CDC42SE2: variants seen among roughly 807,000 people sequenced by gnomAD.
The protein encoded by CDC42SE2 is CDC42 small effector 2.
A neutral mutation model predicts 11.5 loss-of-function variants in CDC42SE2; 3 were observed. That is an observed-to-expected ratio of 0.26 (90% confidence interval 0.12 to 0.67). The LOEUF (loss-of-function observed/expected upper bound fraction) is 0.67. Among genes scored for constraint, CDC42SE2 ranks in the 30% least tolerant of loss-of-function variants. The pLI, the probability that CDC42SE2 is intolerant of heterozygous loss-of-function variation, is 0.80. For synonymous variants in CDC42SE2, 33 were observed against 34.8 expected, an observed-to-expected ratio of 0.95 and a Z score of 0.18; for missense variants, 82 against 106.8, an observed-to-expected ratio of 0.77 and a Z score of 1.02.
chr5:131,217,632 T>A, the CDC42SE2 span, among the ~76,000 whole-genome samples: 1 of 152,068 alleles, frequency 6.6e-6, no homozygotes, highest in Non-Finnish European at 1.5e-5. Flanking sequence ...AAGGAAAACA[T>A]GGGAAAATAT....
chr5:131,280,314 A>G (rs1354688760), intron 1 of CDC42SE2, among the ~76,000 whole-genome samples: 6 of 152,226 alleles, frequency 3.9e-5, no homozygotes, highest in African/African-American at 1.4e-4. Context: ...AAAATATAAT[A>G]ACTAGTCAGT....
At chr5:131,239,932 T>C in the CDC42SE2 span, among the ~76,000 whole-genome samples, 1 of 152,234 alleles carries the variant, frequency 6.6e-6, no homozygotes, top group African/African-American at 2.4e-5. Flanking sequence ...ATTGCTTTCT[T>C]AAGGAAGTAT....
intron 1 of CDC42SE2, among the ~76,000 whole-genome samples, chr5:131,276,045 G>A (rs1018334326): frequency 4.6e-5 from 7 of 151,858 alleles, no homozygotes; most frequent in Non-Finnish European, 8.8e-5. Flanking sequence ...GGAAATGAAA[G>A]TGCAAAAGAA....
chr5:131,360,473 C>T (rs1749676048), intron 3 of CDC42SE2, among the ~76,000 whole-genome samples: 1 of 152,040 alleles, frequency 6.6e-6, no homozygotes, highest in African/African-American at 2.4e-5. Context: ...TAAAAATTGC[C>T]CCAGCTTTCC....
chr5:131,252,550 G>A (rs983359847), intron 1 of CDC42SE2, among the ~76,000 whole-genome samples: 6 of 152,168 alleles, frequency 3.9e-5, no homozygotes, highest in Admixed American at 6.5e-5. Context: ...CCAGCTACTC[G>A]GGAGGCTGAG....
chr5:131,226,280 A>G, the CDC42SE2 span, among the ~76,000 whole-genome samples: 1 of 152,214 alleles, frequency 6.6e-6, no homozygotes, highest in African/African-American at 2.4e-5. Context: ...ATTTAGTATC[A>G]TTTGTATGTA....
At chr5:131,213,585 A>G in the CDC42SE2 span, among the ~76,000 whole-genome samples, 1 of 152,062 alleles carries the variant, frequency 6.6e-6, no homozygotes, top group African/African-American at 2.4e-5. Flanking sequence ...AGTAGCTGGG[A>G]CTACAGGTGC....
At chr5:131,361,816 C>T (rs1261707445) in intron 3 of CDC42SE2, among the ~76,000 whole-genome samples, 3 of 152,136 alleles carry the variant, frequency 2.0e-5, no homozygotes, top group Non-Finnish European at 2.9e-5. Flanking sequence ...GGCCAAACTC[C>T]GCCTCATCCA....
intron 3 of CDC42SE2, among the ~76,000 whole-genome samples, chr5:131,362,503 C>T (rs993237019): frequency 6.6e-6 from 1 of 152,196 alleles, no homozygotes; most frequent in East Asian, 1.9e-4. Flanking sequence ...GCTTGATCAT[C>T]TGCTAAAGTT....
At chr5:131,260,670 ACACCTGTAATCTCAGTACTT>A (rs1756716906), upstream of CDC42SE2, among the ~76,000 whole-genome samples, 1 of 148,376 alleles carries the variant, frequency 6.7e-6, no homozygotes, top group Non-Finnish European at 1.5e-5. Flanking sequence ...GCAGTGGCTC[ACACCTGTAATCTCAGTACTT>A]TGGGAGGCCG....
chr5:131,323,847 C>T (rs1758245297), intron 2 of CDC42SE2, among the ~76,000 whole-genome samples: 1 of 152,154 alleles, frequency 6.6e-6, no homozygotes, highest in Admixed American at 6.5e-5. Context: ...TAACTTTTCT[C>T]ACAAGATGAA....
chr5:131,224,532 G>T, the CDC42SE2 span, among the ~76,000 whole-genome samples: 2 of 151,906 alleles, frequency 1.3e-5, no homozygotes, highest in Non-Finnish European at 2.9e-5. Flanking sequence ...CACTTCCTTG[G>T]TTACTGCCCT....
chr5:131,369,638 G>T (rs1304555790), intron 3 of CDC42SE2, among the ~76,000 whole-genome samples: 1 of 152,132 alleles, frequency 6.6e-6, no homozygotes, highest in East Asian at 1.9e-4. Context: ...GTTTTTTGAA[G>T]GTTAGCCTTG....
chr5:131,307,155 T>C (rs951303222), intron 1 of CDC42SE2, among the ~76,000 whole-genome samples: 1 of 151,864 alleles, frequency 6.6e-6, no homozygotes, highest in Non-Finnish European at 1.5e-5. Flanking sequence ...CATGCTGGTA[T>C]GCTGCACCCA....
intron 1 of CDC42SE2, among the ~76,000 whole-genome samples, chr5:131,302,735 C>A (rs1008729470): frequency 1.4e-4 from 21 of 151,914 alleles, no homozygotes; most frequent in African/African-American, 4.8e-4. Flanking sequence ...TGTATATATA[C>A]CTTTATAAGA....
At chr5:131,233,987 C>CT in the CDC42SE2 span, among the ~76,000 whole-genome samples, 2 of 152,056 alleles carry the variant, frequency 1.3e-5, no homozygotes, top group African/African-American at 4.8e-5. Context: ...CCATCCCTAC[C>CT]TTTTCCTCTT....
At chr5:131,229,096 C>G in the CDC42SE2 span, among the ~76,000 whole-genome samples, 1 of 152,156 alleles carries the variant, frequency 6.6e-6, no homozygotes, top group Non-Finnish European at 1.5e-5. Context: ...TCAACTCATT[C>G]TCATGGAGAG....
intron 2 of CDC42SE2, among the ~76,000 whole-genome samples, chr5:131,320,112 T>C (rs1304434842): frequency 7.6e-6 from 1 of 130,986 alleles, no homozygotes; most frequent in African/African-American, 2.9e-5. Flanking sequence ...AGGCTGGGCG[T>C]GGTGGCTAAC....
intron 2 of CDC42SE2, among the ~76,000 whole-genome samples, chr5:131,337,675 C>G (rs1758607106): frequency 6.6e-6 from 1 of 152,206 alleles, no homozygotes; most frequent in African/African-American, 2.4e-5. Context: ...ATGGCGGGCA[C>G]CCCTCCCCCA....
Sources: allele counts gnomAD v4.1 joint callset (sites outside exome capture counted in the v4.1 genomes callset), GRCh38; gene constraint gnomAD v4.1.1; transcripts MANE v1.5; gene names NCBI Gene and HGNC (gene_info 2026-07-23, HGNC 2026-07-21).